ESRRG: variants seen among roughly 807,000 people sequenced by gnomAD.
ESRRG encodes the protein estrogen-related receptor gamma.
In ESRRG, 13 loss-of-function variants were observed where a neutral mutation model predicts 44.0. The ratio of observed to expected loss-of-function variants is 0.30; its 90% CI spans 0.19 to 0.47. ESRRG has a LOEUF of 0.47. Ranked by LOEUF, ESRRG falls within the 20% of genes least tolerant of loss-of-function variation. The pLI, the probability that ESRRG is intolerant of heterozygous loss-of-function variation, is 1.00. For synonymous variants in ESRRG, 215 were observed against 214.6 expected (o/e 1.00, Z -0.02); for missense variants, 395 against 580.6 (o/e 0.68, Z 3.29).
chr1:216,800,635 C>A (rs1432597515), intron 2 of ESRRG, among the ~76,000 whole-genome samples: 2 of 152,102 alleles, frequency 1.3e-5, no homozygotes, highest in Non-Finnish European at 1.5e-5. Flanking sequence ...TACTTTTGTG[C>A]CAGAAGCTTC....
intron 3 of ESRRG, among the ~76,000 whole-genome samples, chr1:216,575,260 A>T (rs1023853396): frequency 1.6e-4 from 25 of 152,136 alleles, no homozygotes; most frequent in African/African-American, 6.0e-4. Context: ...GGATCATATA[A>T]GATAATTAAA....
At chr1:216,827,262 A>T (rs1332312763) in intron 2 of ESRRG, among the ~76,000 whole-genome samples, 2 of 152,220 alleles carry the variant, frequency 1.3e-5, no homozygotes, top group Non-Finnish European at 2.9e-5. Context: ...GATTTTAGTG[A>T]AAAAGAAGTC....
chr1:216,866,943 T>C (rs2096175571), intron 2 of ESRRG, among the ~76,000 whole-genome samples: 1 of 152,198 alleles, frequency 6.6e-6, no homozygotes, highest in African/African-American at 2.4e-5. Flanking sequence ...ATATTTTACA[T>C]TTCCCTAATT....
At chr1:217,018,760 C>A (rs1200382239) in intron 1 of ESRRG, among the ~76,000 whole-genome samples, 2 of 152,134 alleles carry the variant, frequency 1.3e-5, no homozygotes, top group Non-Finnish European at 2.9e-5. Context: ...AAAAAAATTT[C>A]ATCTCTGAAG....
At chr1:216,558,997 G>A (rs2058160841) in intron 5 of ESRRG, among the ~76,000 whole-genome samples, 1 of 151,938 alleles carries the variant, frequency 6.6e-6, no homozygotes, top group Non-Finnish European at 1.5e-5. Flanking sequence ...AGCCTCCTGA[G>A]TAACTGGGAT....
At chr1:216,843,115 T>A (rs1233743266) in intron 2 of ESRRG, among the ~76,000 whole-genome samples, 1 of 152,010 alleles carries the variant, frequency 6.6e-6, no homozygotes, top group African/African-American at 2.4e-5. Context: ...CAAGCACTCA[T>A]GAATGGGAAA....
intron 2 of ESRRG, among the ~76,000 whole-genome samples, chr1:216,898,309 C>T (rs930636909): frequency 9.2e-5 from 14 of 151,956 alleles, no homozygotes; most frequent in South Asian, 2.1e-4. Context: ...ACCCTTAAGC[C>T]GAGACTACTA....
At chr1:216,718,633 T>TGTGC (rs1029080642) in intron 1 of ESRRG, among the ~76,000 whole-genome samples, 1 of 151,812 alleles carries the variant, frequency 6.6e-6, no homozygotes, top group African/African-American at 2.4e-5. Flanking sequence ...TTCTATCTGT[T>TGTGC]GTGCTTTAGG....
intron 3 of ESRRG, among the ~76,000 whole-genome samples, chr1:216,612,315 C>A (rs1180173715): frequency 6.6e-6 from 1 of 151,694 alleles, no homozygotes; most frequent in African/African-American, 2.4e-5. Context: ...ATAATCCTAA[C>A]ATTTACTGTT....
intron 2 of ESRRG, among the ~76,000 whole-genome samples, chr1:216,806,651 C>G (rs1012174715): frequency 6.6e-6 from 1 of 152,088 alleles, no homozygotes; most frequent in Non-Finnish European, 1.5e-5. Context: ...TAGTCCTGCC[C>G]CAGTGTATTA....
At chr1:216,803,636 A>C (rs2094693214) in intron 2 of ESRRG, among the ~76,000 whole-genome samples, 1 of 152,048 alleles carries the variant, frequency 6.6e-6, no homozygotes, top group African/African-American at 2.4e-5. Context: ...TTGGTGGTGT[A>C]TTCAGGGCTC....
chr1:216,928,919 C>T (rs75604555), intron 2 of ESRRG, among the ~76,000 whole-genome samples: 41 of 152,094 alleles, frequency 2.7e-4, no homozygotes, highest in African/African-American at 9.2e-4. Context: ...TTCATAGAGA[C>T]AGAAAGAATG....
chr1:217,009,861 G>C (rs6679754), intron 1 of ESRRG, among the ~76,000 whole-genome samples: 1 of 151,446 alleles, frequency 6.6e-6, no homozygotes, highest in Non-Finnish European at 1.5e-5. Context: ...GCCTGCCACC[G>C]TATCTGGCTA....
At chr1:216,730,304 G>GT (rs1369670570) in intron 2 of ESRRG, among the ~76,000 whole-genome samples, 3 of 20,542 alleles carry the variant, frequency 1.5e-4, no homozygotes, top group Non-Finnish European at 2.8e-4. Context: ...GCTTAGAAAG[G>GT]TAAAAAAAAA....
chr1:216,939,798 A>T (rs2064910586), intron 1 of ESRRG: 1 of 151,946 alleles, frequency 6.6e-6, no homozygotes, highest in Non-Finnish European at 1.5e-5. Flanking sequence ...TTAAGCACAC[A>T]TTAATAGCTA....
chr1:217,057,262 A>G (rs541866518), intron 1 of ESRRG, among the ~76,000 whole-genome samples: 1 of 152,192 alleles, frequency 6.6e-6, no homozygotes, highest in Admixed American at 6.5e-5. Context: ...CACACACATG[A>G]AAAGGAAGTT....
intron 2 of ESRRG, among the ~76,000 whole-genome samples, chr1:216,665,919 G>T (rs2073814160): frequency 6.6e-6 from 1 of 152,106 alleles, no homozygotes; most frequent in South Asian, 2.1e-4. Context: ...TTTATAACTT[G>T]AGTGAGTTAA....
intron 4 of ESRRG, among the ~76,000 whole-genome samples, chr1:216,566,480 G>A (rs957408399): frequency 1.1e-4 from 16 of 152,036 alleles, no homozygotes; most frequent in Middle Eastern, 3.2e-3. Flanking sequence ...TCAGGTTTAC[G>A]AAGAAAACCA....
intron 2 of ESRRG, among the ~76,000 whole-genome samples, chr1:216,888,039 T>C (rs777049361): frequency 6.6e-6 from 1 of 152,108 alleles, no homozygotes; most frequent in Non-Finnish European, 1.5e-5. Flanking sequence ...CAACTAATTT[T>C]GTCTTCTAAA....
Sources: allele counts gnomAD v4.1 joint callset (sites outside exome capture counted in the v4.1 genomes callset), GRCh38; gene constraint gnomAD v4.1.1; transcripts MANE v1.5; gene names NCBI Gene and HGNC (gene_info 2026-07-23, HGNC 2026-07-21).